The following STAT4 variants were observed in gnomAD, a reference collection of about 807,000 sequenced individuals.
STAT4 encodes signal transducer and activator of transcription 4.
A neutral mutation model predicts 110.5 loss-of-function variants in STAT4; 42 were observed. The observed-to-expected ratio is 0.38, with a 90% confidence interval of 0.30 to 0.49. The LOEUF (loss-of-function observed/expected upper bound fraction) is 0.49, where lower values mean the gene tolerates loss of function less well. STAT4 is among the 20% of genes least tolerant of loss of function. The probability of loss-of-function intolerance (pLI) is 0.95; values close to 1 mark genes in which losing one functional copy is unlikely to be tolerated. For synonymous variants in STAT4, 284 were observed against 302.2 expected, an observed-to-expected ratio of 0.94 and a Z score of 0.63; for missense variants, 632 against 887.9, an observed-to-expected ratio of 0.71 and a Z score of 3.66.
intron 3 of STAT4, among the ~76,000 whole-genome samples, chr2:191,095,659 C>A (rs534580341): frequency 1.3e-5 from 2 of 152,244 alleles, no homozygotes; most frequent in East Asian, 3.9e-4. Flanking sequence ...CAAGATAAAG[C>A]AGGAAAGATC....
Position 191,039,276 on chromosome 2 carries a change from T to C in STAT4, c.1357A>G (p.Met453Val). 6.2e-7 allele frequency: 1 copy of C among 1,614,070 alleles called. No individual in the cohort carries two copies. ...DLETSSLPVVMISNVSQLPNA... is the reference protein window; with the variant it reads ...DLETSSLPVVVISNVSQLPNA... ...GGTAACTGACTGACATTGGAAATCA[T>C]CACCACAGGCAATGAGCTGGTCTGG... The change falls in exon 16 of 24, where the codon ATG (methionine) becomes GTG (valine). Residue 453 changes from methionine (M) to valine (V), a missense_variant. Physicochemically the swap from Met to Val is conservative, Grantham distance 21. Around this residue, in one of 4 missense-constraint regions of STAT4, gnomAD observed 488 missense variants for 632.8 expected, o/e 0.77. Coordinates refer to ENST00000392320, the MANE Select transcript of STAT4 (RefSeq NM_003151.4). The surrounding 1 kb of genome is among the most constrained non-coding windows in gnomAD (Gnocchi z 4.7).
chr2:191,126,199 T>A (rs1385054845), intron 3 of STAT4, among the ~76,000 whole-genome samples: 1 of 152,212 alleles, frequency 6.6e-6, no homozygotes, highest in Non-Finnish European at 1.5e-5. Flanking sequence ...AAACCTACTT[T>A]AACAAAATTT....
intron 3 of STAT4, among the ~76,000 whole-genome samples, chr2:191,127,539 C>G (rs1490356418): frequency 1.3e-5 from 2 of 152,216 alleles, no homozygotes; most frequent in Admixed American, 1.3e-4. Context: ...AGGTAGCAAA[C>G]TCTTTCAACA....
intron 3 of STAT4, among the ~76,000 whole-genome samples, chr2:191,078,056 A>G (rs1697363514): frequency 6.6e-6 from 1 of 151,190 alleles, no homozygotes; most frequent in South Asian, 2.1e-4. Context: ...AAGAAAAGCT[A>G]TGTTTTCTCA....
rs1309147163 is a variant in STAT4 at position 191,062,874 on chromosome 2, C to G, written c.829G>C (p.Glu277Gln). 6 of 1,613,760 alleles carry G rather than the reference C, an allele frequency of 3.7e-6. No homozygotes were observed. The highest frequency in any genetic ancestry group is 5.1e-6 in the Non-Finnish European group (6 of 1,179,890). The change falls in exon 9 of 24, where the codon GAG becomes CAG. Residue 277 changes from glutamate (E) to glutamine (Q), a missense_variant. Physicochemically the swap from Glu to Gln is conservative, Grantham distance 29. This residue lies in a region of STAT4 where 488 missense variants were observed against 632.8 expected (regional missense o/e 0.77). Coordinates refer to ENST00000392320, the MANE Select transcript of STAT4 (RefSeq NM_003151.4). This position sits in a 1 kb window ranked among gnomAD's most constrained non-coding sequence, Gnocchi z 4.9. ...ESLFQLRRQL[E>Q]KLEEQSTKMT... ...TTGGTAGATTGCTCCTCTAGTTTCT[C>G]CAATTGCCTTCTCAGTTGGAAAAGA...
rs1165913847 is a variant in STAT4 at position 191,094,917 on chromosome 2, C to CAAAA, written c.274-18596_274-18593dup. ...GAAGATCTACCAAGCAAATGGAAAGCAAAAAAAAAAAAAAAAAAAAAGTAG... is the reference window on the plus strand; with the variant it reads ...GAAGATCTACCAAGCAAATGGAAAGCAAAAAAAAAAAAAAAAAAAAAAAAAGTAG... On this transcript the variant is annotated intron_variant, in intron 3 of 23. Coordinates refer to ENST00000392320, the MANE Select transcript of STAT4 (RefSeq NM_003151.4). Among the ~76,000 whole-genome samples, 622 of 77,772 alleles carry CAAAA rather than the reference C, an allele frequency of 8.0e-3. 8 individuals are homozygous for CAAAA. The highest frequency in any genetic ancestry group is 0.011 in the Middle Eastern group (1 of 88). 51.0% of individuals were successfully genotyped at this position (77,772 alleles called of 152,430 possible). A position where few individuals can be genotyped will look rare whatever the true frequency, so the allele number is the denominator to read the frequency against.
At position 191,053,492 on chromosome 2, in the gene STAT4, CTCCAAGG is replaced by C. The variant is rs1696590538; in HGVS notation, c.1251+991_1251+997del. Among the ~76,000 whole-genome samples the C allele has an allele frequency of 6.6e-6, 1 of 152,204 alleles. No individual in the cohort carries two copies. Among genetic ancestry groups the C allele is most frequent in the African/African-American group, 2.4e-5 (1 of 41,454 alleles). ...TTTCGAGGTCAGCTCAATAGATGTT[CTCCAAGG>C]TCATGTCCAGTTCATGATTTGACTA... On this transcript the variant is annotated intron_variant, in intron 14 of 23. Transcript: ENST00000392320. This position sits in a 1 kb window ranked among gnomAD's most constrained non-coding sequence, Gnocchi z 4.5.
At position 191,051,101 on chromosome 2, in the gene STAT4, A is replaced by G. The variant is rs1027475640; in HGVS notation, c.1251+3389T>C. On this transcript the variant is annotated intron_variant, in intron 14 of 23. Coordinates refer to ENST00000392320, the MANE Select transcript of STAT4 (RefSeq NM_003151.4). The surrounding 1 kb of genome is among the most constrained non-coding windows in gnomAD (Gnocchi z 5.6). The stretch of plus-strand genomic sequence containing the variant: ...GTGGTAGCAGGAATTCCAGACATGA[A>G]ATCCCATAAAGGGGCATACACAAAT... Among the ~76,000 whole-genome samples the G allele has an allele frequency of 1.3e-5, 2 of 152,164 alleles. No homozygotes were observed. Among genetic ancestry groups the G allele is most frequent in the African/African-American group, 4.8e-5 (2 of 41,438 alleles).
chr2:191,071,177 A>C (rs994468356), intron 5 of STAT4, among the ~76,000 whole-genome samples: 3 of 152,210 alleles, frequency 2.0e-5, no homozygotes. Context: ...CCTGCAAAGT[A>C]AACTATTTCC....
chr2:191,058,263 T>C lies in STAT4; in HGVS notation c.1095-44A>G, dbSNP rs1454818691. On this transcript the variant is annotated intron_variant, in intron 11 of 23. Coordinates refer to ENST00000392320, the MANE Select transcript of STAT4 (RefSeq NM_003151.4). The surrounding 1 kb of genome is among the most constrained non-coding windows in gnomAD (Gnocchi z 4.3). Reference sequence around the variant, plus strand: ...TCTTTAAAACAAGCTATTTAATAGATCTAGGAATAACTTTCTATGATAGTT... The same window carrying C: ...TCTTTAAAACAAGCTATTTAATAGACCTAGGAATAACTTTCTATGATAGTT... 6.5e-7 allele frequency: 1 copy of C among 1,529,634 alleles called. No individual in the cohort carries two copies. Among genetic ancestry groups the C allele is most frequent in the African/African-American group, 1.4e-5 (1 of 71,866 alleles). The allele number at this position is 1,529,634 out of a possible 1,614,324, so 94.8% of individuals were successfully genotyped here.
chr2:191,043,636 TAGA>T lies in STAT4; in HGVS notation c.1252-2491_1252-2489del, dbSNP rs374699369. On this transcript the variant is annotated intron_variant, in intron 14 of 23. Transcript: ENST00000392320. The surrounding 1 kb of genome is among the most constrained non-coding windows in gnomAD (Gnocchi z 4.8). ...GCACTCATTAAAAAAAAAAGACATG[TAGA>T]AGAATGTTAATTGAAGAATGTTTAT... Among the ~76,000 whole-genome samples the T allele has an allele frequency of 6.4e-3, 979 of 151,826 alleles. 11 individuals are homozygous for T. Among genetic ancestry groups the T allele is most frequent in the African/African-American group, 0.022 (915 of 41,368 alleles).
intron 3 of STAT4, among the ~76,000 whole-genome samples, chr2:191,137,741 A>G (rs1699217440): frequency 6.6e-6 from 1 of 152,200 alleles, no homozygotes; most frequent in African/African-American, 2.4e-5. Flanking sequence ...AATTTTTGAC[A>G]AAGGTGCCAG....
intron 3 of STAT4, among the ~76,000 whole-genome samples, 161 bp from the exon 4 acceptor site, chr2:191,076,486 ACT>A (rs1697322257): frequency 1.3e-5 from 2 of 152,150 alleles, no homozygotes; most frequent in South Asian, 4.1e-4. Context: ...AGTTAGAGAA[ACT>A]CATACTGTAA....
Position 191,058,616 on chromosome 2 carries a change from TA to T in STAT4, c.1094+93del. On this transcript the variant is annotated intron_variant, in intron 11 of 23. Transcript: ENST00000392320. The surrounding 1 kb of genome is among the most constrained non-coding windows in gnomAD (Gnocchi z 4.3). ...TTATATAATGTTAGATAAGTAAATT[TA>T]AAAGTTCAAAATTATTCTATAAAAT... 2 of 774,572 alleles carry T rather than the reference TA, an allele frequency of 2.6e-6. No individual in the cohort carries two copies. The highest frequency in any genetic ancestry group is 3.6e-5 in the South Asian group (2 of 56,084). The allele number at this position is 774,572 out of a possible 1,614,324, so 48.0% of individuals were successfully genotyped here. A position where few individuals can be genotyped will look rare whatever the true frequency, so the allele number is the denominator to read the frequency against.
At chr2:191,075,179 A>C (rs2459612) in intron 4 of STAT4, among the ~76,000 whole-genome samples, 2 of 152,102 alleles carry the variant, frequency 1.3e-5, no homozygotes, top group Admixed American at 1.3e-4. Context: ...ACAAAAAAAA[A>C]ACTTTTGTTG....
In STAT4 at chr2:191,055,977, A is replaced by C. The variant is rs112441224; in HGVS notation, c.1207-1443T>G. On this transcript the variant is annotated intron_variant, in intron 13 of 23. Coordinates refer to ENST00000392320, the MANE Select transcript of STAT4 (RefSeq NM_003151.4). Reference sequence around the variant, plus strand: ...ACAAAAAAGAGTGCTAGTTACAAGGATGTTTATAATACATTATTCTTTATT... The same window carrying C: ...ACAAAAAAGAGTGCTAGTTACAAGGCTGTTTATAATACATTATTCTTTATT... Among the ~76,000 whole-genome samples the C allele has an allele frequency of 3.8e-3, 574 of 152,342 alleles. 5 individuals are homozygous for C. Among genetic ancestry groups the C allele is most frequent in the Non-Finnish European group, 6.4e-3 (437 of 68,030 alleles).
At chr2:191,084,132 C>T (rs544766388) in intron 3 of STAT4, among the ~76,000 whole-genome samples, 4 of 151,940 alleles carry the variant, frequency 2.6e-5, no homozygotes, top group East Asian at 1.9e-4. Context: ...CATGGTGGTG[C>T]GTGACTGTAA....
chr2:191,033,763 A>G lies in STAT4; in HGVS notation c.1716-137T>C. The G allele has an allele frequency of 7.5e-7, 1 of 1,341,372 alleles. No homozygotes were observed. The highest frequency in any genetic ancestry group is 1.0e-6 in the Non-Finnish European group (1 of 981,058). The allele number at this position is 1,341,372 out of a possible 1,614,324, so 83.1% of individuals were successfully genotyped here. ...AATACTCATATATAGATTAATATAC[A>G]TAGTGCCACTCCACAAAGAATAAGA... On this transcript the variant is annotated intron_variant, in intron 19 of 23. Coordinates refer to ENST00000392320, the MANE Select transcript of STAT4 (RefSeq NM_003151.4). This position sits in a 1 kb window ranked among gnomAD's most constrained non-coding sequence, Gnocchi z 6.9.
chr2:191,094,934 A>AAT (rs1697924317), intron 3 of STAT4, among the ~76,000 whole-genome samples: 1 of 151,334 alleles, frequency 6.6e-6, no homozygotes, highest in African/African-American at 2.4e-5. Context: ...AAAAAAAAAA[A>AAT]AAAAGTAGGG....
Sources: allele counts gnomAD v4.1 joint callset (sites outside exome capture counted in the v4.1 genomes callset), GRCh38; gene constraint gnomAD v4.1.1; regional missense constraint gnomAD v4.1.1; non-coding constraint Gnocchi (gnomAD v3.1); transcripts MANE v1.5; gene names NCBI Gene and HGNC (gene_info 2026-07-23, HGNC 2026-07-21).